Variants in GRK1 observed in about 807,000 individuals in gnomAD.
GRK1 encodes G protein-coupled receptor kinase 1.
A neutral mutation model predicts 41.7 loss-of-function variants in GRK1; 28 were observed. That is an observed-to-expected ratio of 0.67 (90% CI 0.50 to 0.92). GRK1 has a LOEUF of 0.92. GRK1 is among the 40% of genes least tolerant of loss of function. The pLI, the probability that GRK1 is intolerant of heterozygous loss-of-function variation, is 0.00. For missense variants in GRK1, 703 were observed against 671.2 expected, an observed-to-expected ratio of 1.05 and a Z score of -0.52; for synonymous variants, 327 against 286.7, an observed-to-expected ratio of 1.14 and a Z score of -1.42.
upstream of GRK1, among the ~76,000 whole-genome samples, chr13:113,665,174 C>T (rs2049809668): frequency 1.3e-5 from 2 of 152,182 alleles, no homozygotes; most frequent in African/African-American, 4.8e-5. Context: ...TTTCTGCGAC[C>T]CTTTGCTTCC....
At chr13:113,658,113 C>T in the GRK1 span, 1 of 1,612,962 alleles carries the variant, frequency 6.2e-7, no homozygotes, top group Non-Finnish European at 8.5e-7. Flanking sequence ...CATGCGCTGG[C>T]CACACGTCTT....
chr13:113,658,466 C>T, the GRK1 span, among the ~76,000 whole-genome samples: 2 of 152,360 alleles, frequency 1.3e-5, no homozygotes, highest in East Asian at 3.9e-4. Context: ...GCAGCACTCA[C>T]AGGCCCTTCC....
the GRK1 span, among the ~76,000 whole-genome samples, chr13:113,648,519 G>A: frequency 1.3e-5 from 2 of 152,248 alleles, no homozygotes; most frequent in Non-Finnish European, 2.9e-5. Flanking sequence ...TGAGAAGTCT[G>A]TGGCCTTCAG....
At chr13:113,652,944 A>C in the GRK1 span, 2 of 1,614,238 alleles carry the variant, frequency 1.2e-6, no homozygotes, top group Admixed American at 3.3e-5. Context: ...AGGCCTGAGC[A>C]GTTCTGCAGC....
chr13:113,723,830 CTCTGTGCACACGTGTCTGTGTGCCT>C (rs1241310608), intron 4 of GRK1, among the ~76,000 whole-genome samples: 3 of 146,336 alleles, frequency 2.1e-5, no homozygotes, highest in Admixed American at 6.7e-5. Context: ...ATGCCTGTGT[CTCTGTGCACACGTGTCTGTGTGCCT>C]GTGTGTGCAT....
intron 6 of GRK1, among the ~76,000 whole-genome samples, chr13:113,733,659 G>C (rs1242635400): frequency 1.0e-5 from 1 of 100,070 alleles, no homozygotes; most frequent in Non-Finnish European, 1.9e-5. Context: ...ATACGTGTGT[G>C]TGCGTGTGTG....
At chr13:113,651,653 C>T in the GRK1 span, 1 of 1,596,062 alleles carries the variant, frequency 6.3e-7, no homozygotes, top group South Asian at 1.1e-5. Context: ...GCCCTGCCCG[C>T]CGCGCGGCCG....
intron 4 of GRK1, among the ~76,000 whole-genome samples, chr13:113,723,391 G>C (rs547193745): frequency 1.3e-5 from 2 of 152,210 alleles, no homozygotes; most frequent in South Asian, 4.1e-4. Context: ...TTGAGGACGC[G>C]AGTCCGTGGC....
At chr13:113,651,567 A>G in the GRK1 span, 2 of 1,291,386 alleles carry the variant, frequency 1.5e-6, no homozygotes, top group Non-Finnish European at 2.1e-6. Context: ...CCGACGGCTG[A>G]CATTCCTGGA....
chr13:113,731,371 C>T lies in GRK1; in HGVS notation c.1194+28C>T, dbSNP rs1479086483. 2.6e-6 allele frequency: 4 copies of T among 1,536,238 alleles called. No homozygotes were observed. In the South Asian group the frequency reaches 3.6e-5, roughly 14 times the overall value. On this transcript the variant is annotated intron_variant, in intron 5 of 6. Coordinates refer to ENST00000335678, the MANE Select transcript of GRK1 (RefSeq NM_002929.3). The surrounding 1 kb of genome is among the most constrained non-coding windows in gnomAD (Gnocchi z 5.6). Reference sequence around the variant, plus strand: ...AGGAGGCGGCCGGCAGGTGTCTCTGCAGCCACCTTGGCGCCCTGGCTCTCG... The same window carrying T: ...AGGAGGCGGCCGGCAGGTGTCTCTGTAGCCACCTTGGCGCCCTGGCTCTCG...
intron 2 of GRK1, 66 bp downstream of exon 2, chr13:113,669,880 C>G: frequency 1.9e-6 from 3 of 1,589,160 alleles, no homozygotes; most frequent in Non-Finnish European, 2.6e-6. Flanking sequence ...TTCCAGGGCC[C>G]GGGCTCCTTT....
chr13:113,656,050 C>T, the GRK1 span, among the ~76,000 whole-genome samples: 3 of 152,258 alleles, frequency 2.0e-5, no homozygotes, highest in African/African-American at 7.2e-5. Flanking sequence ...GCCGGGCGTC[C>T]CTGGTGACGG....
At position 113,667,808 on chromosome 13, in the gene GRK1, T is replaced by C; in HGVS notation, c.422T>C (p.Ile141Thr). 6.2e-7 allele frequency: 1 copy of C among 1,604,246 alleles called. No homozygotes were observed. Among genetic ancestry groups the C allele is most frequent in the South Asian group, 1.1e-5 (1 of 90,346 alleles). The change falls in exon 1 of 7, where the codon ATC becomes ACC. Residue 141 changes from isoleucine (I) to threonine (T), a missense_variant. Physicochemically the swap from Ile to Thr is moderately conservative, Grantham distance 89 (BLOSUM62 -1). Transcript: ENST00000335678. This position sits in a 1 kb window ranked among gnomAD's most constrained non-coding sequence, Gnocchi z 7.5. ...VAKFKEGPVEIQDGLFQPLLQ... is the reference protein window; with the variant it reads ...VAKFKEGPVETQDGLFQPLLQ... ...AAGTTTAAGGAGGGGCCTGTGGAGA[T>C]CCAGGACGGGCTCTTCCAGCCCCTG... is the stretch of plus-strand genomic sequence containing the variant.
chr13:113,657,899 G>A, the GRK1 span: 845 of 739,310 alleles, frequency 1.1e-3, 2 homozygotes, highest in African/African-American at 0.013. Flanking sequence ...GCCGAAGCCC[G>A]TCCACGCCAT....
At chr13:113,664,695 T>C (rs1457059061), upstream of GRK1, among the ~76,000 whole-genome samples, 1 of 152,210 alleles carries the variant, frequency 6.6e-6, no homozygotes, top group Non-Finnish European at 1.5e-5. This position sits in a 1 kb window ranked among gnomAD's most constrained non-coding sequence, Gnocchi z 5.4. Flanking sequence ...TGTGAGCTTG[T>C]TACAGGTGCA....
chr13:113,654,145 T>C, the GRK1 span, among the ~76,000 whole-genome samples: 2 of 152,234 alleles, frequency 1.3e-5, no homozygotes, highest in East Asian at 3.8e-4. Context: ...TTTGCTTAGT[T>C]GGTCCCCTAT....
chr13:113,648,385 T>C, the GRK1 span, among the ~76,000 whole-genome samples: 2 of 152,146 alleles, frequency 1.3e-5, no homozygotes, highest in African/African-American at 4.8e-5. Flanking sequence ...TGGGGCCCTT[T>C]GGGTACTAAC....
the GRK1 span, among the ~76,000 whole-genome samples, chr13:113,655,771 C>T: frequency 6.6e-6 from 1 of 152,240 alleles, no homozygotes; most frequent in Admixed American, 6.5e-5. Context: ...TCCTCCTCTC[C>T]GCTGATGTGG....
chr13:113,733,706 T>A (rs879440223), intron 6 of GRK1, among the ~76,000 whole-genome samples: 2 of 121,342 alleles, frequency 1.6e-5, no homozygotes, highest in Non-Finnish European at 3.6e-5. Flanking sequence ...CATGTGTGCG[T>A]GTGTGCGCAC....
Sources: gnomAD v4.1 joint callset for allele counts (sites outside exome capture counted in the v4.1 genomes callset) on GRCh38, gnomAD v4.1.1 for gene constraint, Gnocchi (gnomAD v3.1) non-coding constraint, MANE v1.5 for transcripts, NCBI Gene and HGNC (gene_info 2026-07-23, HGNC 2026-07-21) for gene names.